Variants in GFPT1 observed in about 807,000 individuals in gnomAD.
GFPT1 encodes the protein glutamine--fructose-6-phosphate aminotransferase [isomerizing] 1.
GFPT1 carries 40 observed loss-of-function variants against 92.0 expected under a neutral mutation model. The observed-to-expected ratio is 0.43, with a 90% CI of 0.34 to 0.57. GFPT1 has a LOEUF of 0.57. Among genes scored for constraint, GFPT1 ranks in the 20% least tolerant of loss-of-function variants. GFPT1 has a pLI of 0.02. For synonymous variants in GFPT1, 269 were observed against 280.6 expected (o/e 0.96, Z 0.41); for missense variants, 448 against 869.1 (o/e 0.52, Z 6.09).
At chr2:69,363,409 T>C (rs755655537) in intron 4 of GFPT1, 136 bp downstream of exon 4, 74 of 909,854 alleles carry the variant, frequency 8.1e-5, no homozygotes, top group Non-Finnish European at 1.2e-4. Context: ...CAGCTCCATA[T>C]GCTCTCTACT....
Position 69,329,603 on chromosome 2 carries a change from C to A in GFPT1, c.1597+81G>T, listed in dbSNP as rs186074326. On this transcript the variant is annotated intron_variant, in intron 16 of 19. Transcript: ENST00000357308. ...TCTTATTGACTAAATAGCTACAAGC[C>A]ACAGCTTCAAGGATAAGAGAATTTT... is the stretch of plus-strand genomic sequence containing the variant. The A allele has an allele frequency of 1.7e-4, 183 of 1,052,790 alleles. 1 individual carries two copies. In the African/African-American group the frequency reaches 2.6e-3, roughly 15 times the overall value. The allele number at this position is 1,052,790 out of a possible 1,614,324, so 65.2% of individuals were successfully genotyped here.
At chr2:69,361,751 G>T (rs191587602) in intron 4 of GFPT1, among the ~76,000 whole-genome samples, 41 of 152,266 alleles carry the variant, frequency 2.7e-4, no homozygotes, top group Middle Eastern at 3.4e-3. Flanking sequence ...GGCTGAGGTG[G>T]GAAGATTACT....
intron 17 of GFPT1, among the ~76,000 whole-genome samples, 188 bp downstream of exon 17, chr2:69,329,109 C>A (rs1384775054): frequency 6.6e-6 from 1 of 152,174 alleles, no homozygotes; most frequent in Non-Finnish European, 1.5e-5. Flanking sequence ...TTAAAATGTA[C>A]TCTTTTTGAT....
chr2:69,383,768 G>A (rs1211792174), intron 1 of GFPT1, among the ~76,000 whole-genome samples: 2 of 152,154 alleles, frequency 1.3e-5, no homozygotes, highest in African/African-American at 4.8e-5. Flanking sequence ...TAGGATTACA[G>A]GCATGCGCCA....
intron 14 of GFPT1, 80 bp downstream of exon 14, chr2:69,338,365 A>G (rs1670854597): frequency 2.5e-6 from 3 of 1,210,360 alleles, no homozygotes; most frequent in South Asian, 2.5e-5. Context: ...TTATCTTTAA[A>G]TATCAGCTTT....
intron 4 of GFPT1, among the ~76,000 whole-genome samples, chr2:69,363,059 A>T (rs1056060753): frequency 1.3e-5 from 2 of 152,038 alleles, no homozygotes; most frequent in Admixed American, 6.6e-5. Flanking sequence ...CAGCCTGGTC[A>T]ACACAGTGAA....
intron 3 of GFPT1, among the ~76,000 whole-genome samples, chr2:69,368,251 C>G (rs1421379283): frequency 1.3e-5 from 2 of 152,080 alleles, no homozygotes; most frequent in Non-Finnish European, 2.9e-5. Flanking sequence ...GGCGTTGTGG[C>G]GGGCGCCTGT....
chr2:69,342,357 T>C lies in GFPT1; in HGVS notation c.1106-108A>G. ...AATATGAGGAAGAATACTGCTGTTT[T>C]AAAGAATTAATATTCCTCTTGGAAA... On this transcript the variant is annotated intron_variant, in intron 12 of 19. Coordinates refer to ENST00000357308, the MANE Select transcript of GFPT1 (RefSeq NM_001244710.2). The C allele has an allele frequency of 2.0e-5, 15 of 753,542 alleles. No individual in the cohort carries two copies. The South Asian group carries it at 2.0e-4, about 10-fold the overall frequency. 46.7% of individuals were successfully genotyped at this position (753,542 alleles called of 1,614,324 possible). A position where few individuals can be genotyped will look rare whatever the true frequency, so the allele number is the denominator to read the frequency against.
intron 5 of GFPT1, 62 bp downstream of exon 5, chr2:69,359,206 C>T: frequency 2.3e-6 from 2 of 860,790 alleles, no homozygotes; most frequent in Non-Finnish European, 2.0e-6. Context: ...CAACAACCGA[C>T]CCCAGTGCTC....
rs544595174 is a variant in GFPT1 at position 69,335,599 on chromosome 2, G to C, written c.1482+2299C>G. Among the ~76,000 whole-genome samples, 8 of 152,282 alleles carry C rather than the reference G, an allele frequency of 5.3e-5. No individual in the cohort carries two copies. The South Asian group carries it at 6.2e-4, about 12-fold the overall frequency. On this transcript the variant is annotated intron_variant, in intron 15 of 19. Transcript: ENST00000357308. Reference sequence around the variant, plus strand: ...AAATCCTTAAGTGCTACTAAAGGTGGCTGGTCATTTATTCAGCCACAGGAT... The same window carrying C: ...AAATCCTTAAGTGCTACTAAAGGTGCCTGGTCATTTATTCAGCCACAGGAT...
At chr2:69,372,974 TG>T (rs771949482) in intron 2 of GFPT1, among the ~76,000 whole-genome samples, 20 of 152,212 alleles carry the variant, frequency 1.3e-4, no homozygotes, top group Non-Finnish European at 2.8e-4. Context: ...TGGTTTATGC[TG>T]AACATCTGCT....
intron 3 of GFPT1, among the ~76,000 whole-genome samples, chr2:69,368,504 A>T (rs1356172362): frequency 6.6e-6 from 1 of 151,456 alleles, no homozygotes; most frequent in Admixed American, 6.6e-5. Flanking sequence ...GAGGCAGGCG[A>T]ATCACTTGAG....
chr2:69,328,478 C>T, intron 17 of GFPT1, 40 bp from the exon 18 acceptor site: 1 of 1,458,364 alleles, frequency 6.9e-7, no homozygotes. Flanking sequence ...ATCCACTTTT[C>T]AAAAATCCAT....
In GFPT1 at chr2:69,347,222, TTA is replaced by T. The variant is rs1553389337; in HGVS notation, c.1009+947_1009+948del. 4.7e-3 allele frequency among the ~76,000 whole-genome samples: 718 copies of T among 151,896 alleles called. 6 individuals are homozygous for T. The highest frequency in any genetic ancestry group is 0.017 in the African/African-American group (687 of 41,424). On this transcript the variant is annotated intron_variant, in intron 11 of 19. Transcript: ENST00000357308. ...CAGTGCACCTGGACTTTTTTTTTTT[TTA>T]GTTTGTAGTAGAGATAAGGTCTCAC...
intron 1 of GFPT1, among the ~76,000 whole-genome samples, chr2:69,384,413 A>C (rs1322829571): frequency 6.6e-6 from 1 of 152,164 alleles, no homozygotes; most frequent in African/African-American, 2.4e-5. Flanking sequence ...AAATAAAATA[A>C]TCTTTTAGGC....
chr2:69,346,101 A>G, intron 11 of GFPT1, 102 bp from the exon 12 acceptor site: 2 of 740,478 alleles, frequency 2.7e-6, no homozygotes, highest in Non-Finnish European at 4.8e-6. Context: ...TAAATAAAAT[A>G]TAACAAAAGT....
Position 69,326,243 on chromosome 2 carries a change from G to GAA in GFPT1, c.2056-12_2056-11dup, listed in dbSNP as rs201268947. The GAA allele has an allele frequency of 1.0e-4, 136 of 1,345,722 alleles. No homozygotes were observed. Among genetic ancestry groups the GAA allele is most frequent in the Non-Finnish European group, 1.2e-4 (117 of 973,924 alleles). 83.4% of individuals were successfully genotyped at this position (1,345,722 alleles called of 1,614,324 possible). ...TCCGTGGGAAATCAACCTGCAAAAA[G>GAA]AAAAAAAAAAAAAGCAAGATTTGAG... On this transcript the variant is annotated splice_polypyrimidine_tract_variant and intron_variant, in intron 19 of 19. Transcript: ENST00000357308.
chr2:69,369,123 G>A (rs1381687321), intron 3 of GFPT1, among the ~76,000 whole-genome samples: 1 of 152,150 alleles, frequency 6.6e-6, no homozygotes, highest in African/African-American at 2.4e-5. Flanking sequence ...TACTGTTTTT[G>A]AAGTATAGTT....
chr2:69,373,327 A>G (rs2104686930), intron 2 of GFPT1, among the ~76,000 whole-genome samples: 1 of 152,304 alleles, frequency 6.6e-6, no homozygotes, highest in South Asian at 2.1e-4. Flanking sequence ...AATTTATTTA[A>G]GATAGATGAG....
Sources: gnomAD v4.1 joint callset for allele counts (sites outside exome capture counted in the v4.1 genomes callset) on GRCh38, gnomAD v4.1.1 for gene constraint, MANE v1.5 for transcripts, NCBI Gene and HGNC (gene_info 2026-07-23, HGNC 2026-07-21) for gene names.